Variants in CALHM3 observed in about 807,000 individuals in gnomAD.
The protein encoded by CALHM3 is calcium homeostasis modulator protein 3.
CALHM3 carries 9 observed loss-of-function variants against 13.6 expected under a neutral mutation model. The ratio of observed to expected loss-of-function variants is 0.66; its 90% CI spans 0.40 to 1.15. CALHM3 has a LOEUF of 1.15. CALHM3 is among the 50% of genes most tolerant of loss of function. The probability of loss-of-function intolerance (pLI) is 0.01; values close to 1 mark genes in which losing one functional copy is unlikely to be tolerated. For synonymous variants in CALHM3, 231 were observed against 213.2 expected, an observed-to-expected ratio of 1.08 and a Z score of -0.73; for missense variants, 497 against 463.4, an observed-to-expected ratio of 1.07 and a Z score of -0.67.
At chr10:103,477,150 C>T (rs1382590738) in intron 1 of CALHM3, among the ~76,000 whole-genome samples, 1 of 152,164 alleles carries the variant, frequency 6.6e-6, no homozygotes, top group Non-Finnish European at 1.5e-5. Flanking sequence ...TAAGCTAAGA[C>T]AGCCCTGCCC....
rs898532817 is a variant in CALHM3, at chr10:103,479,062, C to G, written c.-30G>C. On this transcript the variant is annotated 5_prime_UTR_variant, in exon 1 of 3. Coordinates refer to ENST00000369783, the MANE Select transcript of CALHM3 (RefSeq NM_001129742.2). Reference sequence around the variant, plus strand: ...CCAGCCTGGGTGGGTGGGCGGCCGTCGGTTCGGCTCAGTGAGGCTCTGGCC... The same window carrying G: ...CCAGCCTGGGTGGGTGGGCGGCCGTGGGTTCGGCTCAGTGAGGCTCTGGCC... The G allele has an allele frequency of 6.6e-7, 1 of 1,523,772 alleles. No individual in the cohort carries two copies. The highest frequency in any genetic ancestry group is 2.0e-5 in the Admixed American group (1 of 49,988). 94.4% of individuals were successfully genotyped at this position (1,523,772 alleles called of 1,614,324 possible).
chr10:103,473,469 C>A lies in CALHM3; in HGVS notation c.779G>T (p.Arg260Leu). 11 of 1,546,424 alleles carry A rather than the reference C, an allele frequency of 7.1e-6. No individual in the cohort carries two copies. The highest frequency in any genetic ancestry group is 9.6e-6 in the Non-Finnish European group (11 of 1,144,226). ...GAGTCTCCTGCCTGCATTGCCCCGGCGCAGCCCCCGCGCCTGCAGCTCACT... is the reference window on the plus strand; with the variant it reads ...GAGTCTCCTGCCTGCATTGCCCCGGAGCAGCCCCCGCGCCTGCAGCTCACT... ...MRSELQARGL[R>L]RGNAGRRLEL... Residue 260 changes from arginine to leucine, a missense_variant, in exon 3 of 3, where the codon CGC (arginine) becomes CTC (leucine). Coordinates refer to ENST00000369783, the MANE Select transcript of CALHM3 (RefSeq NM_001129742.2).
In CALHM3 at chr10:103,479,056, G is replaced by A. The variant is rs770856123; in HGVS notation, c.-24C>T. On this transcript the variant is annotated 5_prime_UTR_variant, in exon 1 of 3. Coordinates refer to ENST00000369783, the MANE Select transcript of CALHM3 (RefSeq NM_001129742.2). ...ATGGCTCCAGCCTGGGTGGGTGGGC[G>A]GCCGTCGGTTCGGCTCAGTGAGGCT... The A allele has an allele frequency of 1.9e-5, 29 of 1,530,618 alleles. No individual in the cohort carries two copies. Among genetic ancestry groups the A allele is most frequent in the South Asian group, 8.8e-5 (7 of 79,464 alleles). The allele number at this position is 1,530,618 out of a possible 1,614,324, so 94.8% of individuals were successfully genotyped here. A position where few individuals can be genotyped will look rare whatever the true frequency, so the allele number is the denominator to read the frequency against.
chr10:103,476,955 C>A (rs1367483900), intron 1 of CALHM3, among the ~76,000 whole-genome samples: 1 of 152,184 alleles, frequency 6.6e-6, no homozygotes, highest in Non-Finnish European at 1.5e-5. Context: ...AAAGTTAACC[C>A]CCAAATCAAC....
intron 1 of CALHM3, among the ~76,000 whole-genome samples, chr10:103,477,808 G>T (rs2033407356): frequency 6.6e-6 from 1 of 152,184 alleles, no homozygotes; most frequent in African/African-American, 2.4e-5. Flanking sequence ...CCTGACCTCA[G>T]GTGATCCACT....
chr10:103,476,383 G>A lies in CALHM3; in HGVS notation c.454C>T (p.Leu152=), dbSNP rs964720221. 2.6e-6 allele frequency: 4 copies of A among 1,551,668 alleles called. No individual in the cohort carries two copies. The highest frequency in any genetic ancestry group is 3.5e-6 in the Non-Finnish European group (4 of 1,147,012). Residue 152 remains leucine, a synonymous_variant, in exon 2 of 3, where the codon CTG becomes TTG. Transcript: ENST00000369783. ...TCCTCCTTGCAGGGAACCTTGGCCA[G>A]GAAGAGCTGTACCTGGCTGGGGGTC... The part of the protein sequence containing the change: ...NMTPSQVQLF[L]AKVPCKEDEL...
At chr10:103,477,875 C>G (rs1407610310) in intron 1 of CALHM3, among the ~76,000 whole-genome samples, 2 of 152,074 alleles carry the variant, frequency 1.3e-5, no homozygotes, top group African/African-American at 4.8e-5. Flanking sequence ...GCCTGGCCCC[C>G]CCACCCAATC....
chr10:103,474,449 T>TTTA (rs2033366305), intron 2 of CALHM3, among the ~76,000 whole-genome samples: 4 of 149,826 alleles, frequency 2.7e-5, no homozygotes, highest in Non-Finnish European at 5.9e-5. Flanking sequence ...CCTCTCATCT[T>TTTA]TTTATTTATT....
At chr10:103,478,686 TG>T (rs773554678) in intron 1 of CALHM3, 59 bp downstream of exon 1, 1 of 1,453,230 alleles carries the variant, frequency 6.9e-7, no homozygotes. Context: ...ACAGTGCCTG[TG>T]GGGTGGCTGG....
chr10:103,473,442 T>G lies in CALHM3; in HGVS notation c.806A>C (p.Glu269Ala). ...TGGGGGCTCAGGCACTGCGGGGAGCTCGAGTCTCCTGCCTGCATTGCCCCG... is the reference window on the plus strand; with the variant it reads ...TGGGGGCTCAGGCACTGCGGGGAGCGCGAGTCTCCTGCCTGCATTGCCCCG... The part of the protein sequence containing the change: ...LRRGNAGRRL[E>A]LPAVPEPPEG... The change falls in exon 3 of 3, where the codon GAG (glutamate) becomes GCG (alanine). Residue 269 changes from glutamate to alanine, a missense_variant. Physicochemically the swap from Glu to Ala is moderately radical, Grantham distance 107. Transcript: ENST00000369783. 6.5e-7 allele frequency: 1 copy of G among 1,533,072 alleles called. No homozygotes were observed. The highest frequency in any genetic ancestry group is 8.8e-7 in the Non-Finnish European group (1 of 1,136,634). The allele number at this position is 1,533,072 out of a possible 1,614,324, so 95.0% of individuals were successfully genotyped here. A position where few individuals can be genotyped will look rare whatever the true frequency, so the allele number is the denominator to read the frequency against.
intron 1 of CALHM3, among the ~76,000 whole-genome samples, 155 bp from the exon 2 acceptor site, chr10:103,476,704 A>C (rs2033394264): frequency 6.6e-6 from 1 of 152,170 alleles, no homozygotes; most frequent in African/African-American, 2.4e-5. Context: ...GGCAGAAAGG[A>C]GGGCAGGGGC....
chr10:103,473,792 A>G (rs1197905799), intron 2 of CALHM3, 88 bp from the exon 3 acceptor site: 26 of 1,379,700 alleles, frequency 1.9e-5, no homozygotes, highest in Non-Finnish European at 2.2e-5. Flanking sequence ...TGAATGTTGC[A>G]TATTTAATTT....
Position 103,478,600 on chromosome 10 carries a change from C to T in CALHM3, c.287+146G>A, listed in dbSNP as rs187023465. ...ATTCCTAGTTGGGGAAAGGAGAGGG[C>T]GCACCTGGCAGTACCTGTAGGGTGG... On this transcript the variant is annotated intron_variant, in intron 1 of 2. Coordinates refer to ENST00000369783, the MANE Select transcript of CALHM3 (RefSeq NM_001129742.2). 89 of 794,324 alleles carry T rather than the reference C, an allele frequency of 1.1e-4. 1 individual carries two copies. In the East Asian group the frequency reaches 1.8e-3, roughly 16 times the overall value. The allele number at this position is 794,324 out of a possible 1,614,324, so 49.2% of individuals were successfully genotyped here. A position where few individuals can be genotyped will look rare whatever the true frequency, so the allele number is the denominator to read the frequency against.
At chr10:103,474,567 G>A (rs1459882529) in intron 2 of CALHM3, among the ~76,000 whole-genome samples, 2 of 152,132 alleles carry the variant, frequency 1.3e-5, no homozygotes, top group Non-Finnish European at 2.9e-5. Context: ...CCATTCTCCT[G>A]CCTCAGCCTC....
rs930537031 is a variant in CALHM3, at chr10:103,473,478, C to T, written c.770G>A (p.Arg257Gln). ...GCCTGCATTGCCCCGGCGCAGCCCC[C>T]GCGCCTGCAGCTCACTCCGCATGCT... ...FASMRSELQA[R>Q]GLRRGNAGRR... Residue 257 changes from arginine (R) to glutamine (Q), a missense_variant, in exon 3 of 3, where the codon CGG (arginine) becomes CAG (glutamine). Arg to Gln is a conservative substitution (Grantham distance 43). Transcript: ENST00000369783. 1 of 1,548,786 alleles carries T rather than the reference C, an allele frequency of 6.5e-7. No individual in the cohort carries two copies. Among genetic ancestry groups the T allele is most frequent in the Non-Finnish European group, 8.7e-7 (1 of 1,145,522 alleles).
At position 103,473,477 on chromosome 10, in the gene CALHM3, C is replaced by G; in HGVS notation, c.771G>C (p.Arg257=). ...FASMRSELQA[R]GLRRGNAGRR... ...TGCCTGCATTGCCCCGGCGCAGCCC[C>G]CGCGCCTGCAGCTCACTCCGCATGC... The change falls in exon 3 of 3, where the codon CGG becomes CGC. Residue 257 remains arginine, a synonymous_variant. Transcript: ENST00000369783. 9 of 1,548,976 alleles carry G rather than the reference C, an allele frequency of 5.8e-6. No individual in the cohort carries two copies. Among genetic ancestry groups the G allele is most frequent in the Non-Finnish European group, 7.9e-6 (9 of 1,145,610 alleles).
intron 2 of CALHM3, 27 bp downstream of exon 2, chr10:103,476,267 G>A (rs1166466746): frequency 3.2e-6 from 5 of 1,549,106 alleles, no homozygotes; most frequent in Non-Finnish European, 4.4e-6. Flanking sequence ...GAGGGTGCAA[G>A]GGCCGGGGGA....
At chr10:103,478,620 G>A in intron 1 of CALHM3, 126 bp downstream of exon 1, 2 of 1,010,450 alleles carry the variant, frequency 2.0e-6, no homozygotes. Context: ...AGTACCTGTA[G>A]GGTGGGTGGA....
At chr10:103,474,630 T>C (rs2033368957) in intron 2 of CALHM3, among the ~76,000 whole-genome samples, 1 of 152,078 alleles carries the variant, frequency 6.6e-6, no homozygotes, top group Non-Finnish European at 1.5e-5. Flanking sequence ...AATTTTTGTA[T>C]TTTTAGTAGA....
Sources: allele counts gnomAD v4.1 joint callset (sites outside exome capture counted in the v4.1 genomes callset), GRCh38; gene constraint gnomAD v4.1.1; transcripts MANE v1.5; gene names NCBI Gene and HGNC (gene_info 2026-07-23, HGNC 2026-07-21).